IFT56: variants seen among roughly 807,000 people sequenced by gnomAD.
IFT56 encodes intraflagellar transport 56.
At chr7:139,185,763 A>G in the IFT56 span, among the ~76,000 whole-genome samples, 3 of 151,970 alleles carry the variant, frequency 2.0e-5, no homozygotes, top group Non-Finnish European at 2.9e-5. Flanking sequence ...AATTAGTAAG[A>G]TGTACATGGA....
chr7:139,174,364 C>T, the IFT56 span: 8 of 494,884 alleles, frequency 1.6e-5, no homozygotes, highest in Non-Finnish European at 3.2e-5. Flanking sequence ...AGTCCAGAGG[C>T]CTCCTCCACT....
At chr7:139,173,416 A>T in the IFT56 span, 1 of 524,586 alleles carries the variant, frequency 1.9e-6, no homozygotes, top group Non-Finnish European at 3.4e-6. Flanking sequence ...TTTACTAGAG[A>T]CGAGGTTTCG....
chr7:139,152,136 CTTAT>C, the IFT56 span, among the ~76,000 whole-genome samples: 1 of 152,312 alleles, frequency 6.6e-6, no homozygotes, highest in Non-Finnish European at 1.5e-5. Context: ...AATTTATCTA[CTTAT>C]TTATTTAGAG....
the IFT56 span, among the ~76,000 whole-genome samples, chr7:139,149,293 A>T: frequency 6.9e-6 from 1 of 145,794 alleles, no homozygotes; most frequent in Admixed American, 7.0e-5. Flanking sequence ...TGACAGAGCG[A>T]GACTCCATCT....
the IFT56 span, chr7:139,142,387 GAT>G: frequency 4.2e-6 from 5 of 1,182,432 alleles, no homozygotes; most frequent in East Asian, 1.2e-4. Context: ...ACTAGTGAGA[GAT>G]ATTTAATTAG....
chr7:139,179,169 C>T, the IFT56 span, among the ~76,000 whole-genome samples: 9 of 152,168 alleles, frequency 5.9e-5, no homozygotes, highest in African/African-American at 2.2e-4. Flanking sequence ...ATCACTTGAG[C>T]TCAGGAGTTC....
At chr7:139,181,505 C>A in the IFT56 span, among the ~76,000 whole-genome samples, 3 of 152,132 alleles carry the variant, frequency 2.0e-5, no homozygotes, top group Non-Finnish European at 4.4e-5. Flanking sequence ...TTCTGAAGCT[C>A]AAGAAAAATG....
At chr7:139,165,202 G>T in the IFT56 span, 1 of 1,613,542 alleles carries the variant, frequency 6.2e-7, no homozygotes, top group Non-Finnish European at 8.5e-7. Flanking sequence ...CCTGAAGCTA[G>T]GCTAAACTTG....
At chr7:139,141,450 C>T in the IFT56 span, among the ~76,000 whole-genome samples, 1 of 152,032 alleles carries the variant, frequency 6.6e-6, no homozygotes, top group Non-Finnish European at 1.5e-5. Flanking sequence ...TTGATTTGTA[C>T]CCAAATTATT....
chr7:139,187,391 C>A, the IFT56 span: 3 of 1,613,328 alleles, frequency 1.9e-6, no homozygotes, highest in East Asian at 4.5e-5. Context: ...TTACCACATA[C>A]GTTCTCTTAT....
the IFT56 span, chr7:139,148,102 C>A: frequency 1.0e-6 from 1 of 987,254 alleles, no homozygotes; most frequent in Non-Finnish European, 1.5e-6. Flanking sequence ...CTTCATAAGG[C>A]AGGTTCATGA....
At chr7:139,182,456 C>G in the IFT56 span, among the ~76,000 whole-genome samples, 2 of 152,074 alleles carry the variant, frequency 1.3e-5, no homozygotes, top group African/African-American at 4.8e-5. Flanking sequence ...CATTAGAAGA[C>G]AGGAAATTAT....
the IFT56 span, among the ~76,000 whole-genome samples, chr7:139,184,709 G>A: frequency 2.0e-5 from 3 of 152,118 alleles, no homozygotes; most frequent in African/African-American, 7.2e-5. Flanking sequence ...AGGAGTTCAA[G>A]GCCAGCCAGG....
chr7:139,191,815 C>T, the IFT56 span: 3 of 152,100 alleles, frequency 2.0e-5, no homozygotes, highest in African/African-American at 7.2e-5. Flanking sequence ...AAGACCCAGA[C>T]TTAGGCATGT....
chr7:139,158,380 GC>G, the IFT56 span, among the ~76,000 whole-genome samples: 1 of 149,626 alleles, frequency 6.7e-6, no homozygotes, highest in Non-Finnish European at 1.5e-5. Context: ...CAAAGGAAAA[GC>G]TTTTGATGAT....
At chr7:139,153,772 A>C in the IFT56 span, among the ~76,000 whole-genome samples, 7 of 152,162 alleles carry the variant, frequency 4.6e-5, no homozygotes, top group South Asian at 1.4e-3. Context: ...CTTGCCTGTT[A>C]CGAATGCTGC....
the IFT56 span, chr7:139,187,357 TG>T: frequency 6.3e-7 from 1 of 1,596,880 alleles, no homozygotes; most frequent in African/African-American, 1.3e-5. Context: ...AGGTTCTTTC[TG>T]TGCAATCTCT....
the IFT56 span, chr7:139,169,168 T>C: frequency 1.2e-6 from 1 of 843,174 alleles, no homozygotes. Flanking sequence ...TTAGTATTGT[T>C]TGGGGCAAGA....
At chr7:139,134,809 G>A in the IFT56 span, 80 of 1,609,912 alleles carry the variant, frequency 5.0e-5, no homozygotes, top group African/African-American at 9.8e-4. Context: ...CCCAAAGAAC[G>A]TTGCTTCTTA....
Sources: allele counts gnomAD v4.1 joint callset (sites outside exome capture counted in the v4.1 genomes callset), GRCh38; gene constraint gnomAD v4.1.1; transcripts MANE v1.5; gene names NCBI Gene and HGNC (gene_info 2026-07-23, HGNC 2026-07-21).